The following BOK variants were observed in gnomAD, a reference collection of about 807,000 sequenced individuals.
The protein encoded by BOK is bcl-2-related ovarian killer protein.
A neutral mutation model predicts 18.3 loss-of-function variants in BOK; 20 were observed. The observed-to-expected ratio is 1.09, with a 90% CI of 0.77 to 1.59. The LOEUF (loss-of-function observed/expected upper bound fraction) is 1.59. Ranked by LOEUF, BOK falls within the 40% of genes most tolerant of loss-of-function variation. BOK has a pLI of 0.00. For missense variants in BOK, 348 were observed against 307.9 expected, an observed-to-expected ratio of 1.13 and a Z score of -0.97; for synonymous variants, 173 against 142.4, an observed-to-expected ratio of 1.21 and a Z score of -1.53.
chr2:241,569,464 T>A (rs1037481987), intron 3 of BOK, among the ~76,000 whole-genome samples: 6 of 152,344 alleles, frequency 3.9e-5, no homozygotes, highest in Middle Eastern at 3.4e-3. Flanking sequence ...TACATTTTGT[T>A]TTAATTTGCC....
intron 3 of BOK, among the ~76,000 whole-genome samples, chr2:241,569,905 C>G (rs1186676353): frequency 6.6e-6 from 1 of 152,214 alleles, no homozygotes; most frequent in African/African-American, 2.4e-5. Context: ...GCCTCCTGCA[C>G]AGACGTGGGC....
At chr2:241,561,363 C>T (rs1217882235) in intron 2 of BOK, among the ~76,000 whole-genome samples, 1 of 152,240 alleles carries the variant, frequency 6.6e-6, no homozygotes, top group Non-Finnish European at 1.5e-5. Flanking sequence ...TGATGCAGTG[C>T]CACCTCCAAG....
At chr2:241,556,043 C>T (rs1408119344), upstream of BOK, among the ~76,000 whole-genome samples, 2 of 152,156 alleles carry the variant, frequency 1.3e-5, no homozygotes, top group African/African-American at 4.8e-5. Flanking sequence ...TACAGTCTGG[C>T]CATGCCCAGT....
chr2:241,559,800 C>T, intron 2 of BOK, 97 bp downstream of exon 2: 4 of 1,222,288 alleles, frequency 3.3e-6, no homozygotes, highest in Non-Finnish European at 4.1e-6. Context: ...CCAGGGGCGC[C>T]CACCCCCTGC....
chr2:241,569,513 C>G (rs1398998715), intron 3 of BOK, among the ~76,000 whole-genome samples: 1 of 152,198 alleles, frequency 6.6e-6, no homozygotes, highest in African/African-American at 2.4e-5. Context: ...TTTTTCGTGT[C>G]TCTTATTATA....
chr2:241,560,396 C>A lies in BOK; in HGVS notation c.220+693C>A, dbSNP rs537884397. ...GGCACATGGGGCGCCTGTGGCTGAG[C>A]CCGGGAAGGGGAGGTGACAGCATAG... On this transcript the variant is annotated intron_variant, in intron 2 of 4. Transcript: ENST00000318407. The A allele has an allele frequency of 5.7e-6, 4 of 699,222 alleles. No homozygotes were observed. In the South Asian group the frequency reaches 2.6e-4, roughly 45 times the overall value. 43.3% of individuals were successfully genotyped at this position (699,222 alleles called of 1,614,324 possible).
At chr2:241,566,521 A>G (rs1344044746) in intron 3 of BOK, among the ~76,000 whole-genome samples, 2 of 152,000 alleles carry the variant, frequency 1.3e-5, no homozygotes, top group African/African-American at 4.8e-5. Context: ...CACCATGTCA[A>G]CCAGGCTGGT....
rs928300923 is a variant in BOK at position 241,564,190 on chromosome 2, C to A, written c.349+1714C>A. Among the ~76,000 whole-genome samples, 9 of 152,208 alleles carry A rather than the reference C, an allele frequency of 5.9e-5. No homozygotes were observed. The South Asian group carries it at 8.3e-4, about 14-fold the overall frequency. On this transcript the variant is annotated intron_variant, in intron 3 of 4. Coordinates refer to ENST00000318407, the MANE Select transcript of BOK (RefSeq NM_032515.5). The stretch of plus-strand genomic sequence containing the variant: ...CTGAGTCCAGGGATGGGAGTCCAGG[C>A]GGGGTCTGGTCCTGCCTCCGGGCTT...
intron 1 of BOK, among the ~76,000 whole-genome samples, chr2:241,551,982 G>A (rs2125039775): frequency 6.6e-6 from 1 of 152,352 alleles, no homozygotes; most frequent in Non-Finnish European, 1.5e-5. Context: ...GATGGGGGAA[G>A]AATGTTCCAG....
At chr2:241,555,155 G>A (rs1574991502), upstream of BOK, among the ~76,000 whole-genome samples, 1 of 152,106 alleles carries the variant, frequency 6.6e-6, no homozygotes, top group Admixed American at 6.5e-5. Flanking sequence ...TGCGGTCTAG[G>A]TACTCCAGAT....
upstream of BOK, among the ~76,000 whole-genome samples, chr2:241,555,238 G>A (rs951406379): frequency 1.3e-5 from 2 of 152,040 alleles, no homozygotes; most frequent in African/African-American, 4.8e-5. Flanking sequence ...TGCCCAGGCT[G>A]AGTGCAGTGG....
intron 3 of BOK, among the ~76,000 whole-genome samples, chr2:241,569,566 T>C (rs577791326): frequency 9.1e-4 from 138 of 152,386 alleles, no homozygotes; most frequent in Middle Eastern, 3.4e-3. Flanking sequence ...GTGCTCATAG[T>C]TCTTTTTTGA....
Position 241,558,755 on chromosome 2 carries a change from C to G in BOK, c.-268C>G, listed in dbSNP as rs901473533. 6.6e-6 allele frequency: 1 copy of G among 152,320 alleles called. No homozygotes were observed. The highest frequency in any genetic ancestry group is 2.4e-5 in the African/African-American group (1 of 41,468). The allele number at this position is 152,320 out of a possible 1,614,324, so 9.4% of individuals were successfully genotyped here. ...AGCCCCAAGCCCAGCCTCTCGCCAG[C>G]TGGGAGTCGCGCGCTGCCCACCTCG... On this transcript the variant is annotated 5_prime_UTR_variant, in exon 1 of 5. Coordinates refer to ENST00000318407, the MANE Select transcript of BOK (RefSeq NM_032515.5).
upstream of BOK, among the ~76,000 whole-genome samples, chr2:241,556,123 C>T (rs1007789276): frequency 6.6e-5 from 10 of 152,194 alleles, no homozygotes; most frequent in Non-Finnish European, 1.0e-4. Context: ...CAGGGAATCC[C>T]AAACCTGACT....
At chr2:241,551,491 C>T (rs774348644) in intron 1 of BOK, 2 of 152,214 alleles carry the variant, frequency 1.3e-5, no homozygotes, top group Non-Finnish European at 1.5e-5. Context: ...GGAAGCATTT[C>T]GTTGCTTCAT....
intron 2 of BOK, among the ~76,000 whole-genome samples, chr2:241,560,472 C>T (rs1044058927): frequency 6.6e-6 from 1 of 152,218 alleles, no homozygotes; most frequent in Non-Finnish European, 1.5e-5. Context: ...TCGGAGGGCA[C>T]GACCCCGTGA....
rs559955039 is a variant in BOK, at chr2:241,562,718, T to G, written c.349+242T>G. 5.1e-4 allele frequency among the ~76,000 whole-genome samples: 78 copies of G among 152,292 alleles called. No homozygotes were observed. Among genetic ancestry groups the G allele is most frequent in the African/African-American group, 1.8e-3 (73 of 41,562 alleles). ...GGCATGCTGAGCAGCTGGCACAGGC[T>G]TCTTGATTGGTTGTAGTTGTGGTCC... On this transcript the variant is annotated intron_variant, in intron 3 of 4. Coordinates refer to ENST00000318407, the MANE Select transcript of BOK (RefSeq NM_032515.5). The surrounding 1 kb of genome is among the most constrained non-coding windows in gnomAD (Gnocchi z 4.5).
At chr2:241,564,525 T>C (rs1205710944) in intron 3 of BOK, among the ~76,000 whole-genome samples, 2 of 149,818 alleles carry the variant, frequency 1.3e-5, no homozygotes, top group East Asian at 4.0e-4. Context: ...TGGGGGTGCA[T>C]ATGGGTAGGG....
At chr2:241,553,680 A>C (rs1036380346) in intron 1 of BOK, among the ~76,000 whole-genome samples, 1 of 152,188 alleles carries the variant, frequency 6.6e-6, no homozygotes. Flanking sequence ...GAGCACTGCA[A>C]ATCAGCCCCC....
Sources: gnomAD v4.1 joint callset for allele counts (sites outside exome capture counted in the v4.1 genomes callset) on GRCh38, gnomAD v4.1.1 for gene constraint, Gnocchi (gnomAD v3.1) non-coding constraint, MANE v1.5 for transcripts, NCBI Gene and HGNC (gene_info 2026-07-23, HGNC 2026-07-21) for gene names.